The following SORBS2 variants were observed in gnomAD, a reference collection of about 807,000 sequenced individuals.
The protein encoded by SORBS2 is sorbin and SH3 domain containing 2.
In SORBS2, 46 loss-of-function variants were observed where a neutral mutation model predicts 97.7. That is an observed-to-expected ratio of 0.47 (90% CI 0.37 to 0.60). The LOEUF is 0.60. Ranked by LOEUF, SORBS2 falls within the 20% of genes least tolerant of loss-of-function variation. The pLI is 0.00. For missense variants in SORBS2, 1,316 were observed against 1,282.3 expected (o/e 1.03, Z -0.40); for synonymous variants, 476 against 473.4 (o/e 1.01, Z -0.07).
At chr4:185,922,312 A>G (rs547688292) in intron 1 of SORBS2, among the ~76,000 whole-genome samples, 77 of 152,158 alleles carry the variant, frequency 5.1e-4, no homozygotes, top group Non-Finnish European at 8.8e-4. Flanking sequence ...GGAGTGCATC[A>G]CTCAGAATGA....
intron 2 of SORBS2, among the ~76,000 whole-genome samples, chr4:185,722,686 C>T (rs1286590063): frequency 6.6e-6 from 1 of 152,136 alleles, no homozygotes; most frequent in African/African-American, 2.4e-5. Context: ...CTCCTTCACA[C>T]CCATACTCTG....
intron 1 of SORBS2, among the ~76,000 whole-genome samples, chr4:185,823,621 G>A (rs900888683): frequency 5.9e-5 from 9 of 151,558 alleles, no homozygotes; most frequent in South Asian, 4.2e-4. Flanking sequence ...GATATGTTCT[G>A]TGGAGGAAGC....
At chr4:185,614,625 C>T (rs1162935514) in intron 11 of SORBS2, 4 of 561,976 alleles carry the variant, frequency 7.1e-6, no homozygotes, top group East Asian at 3.2e-5. Flanking sequence ...TGGTATCCCA[C>T]GGGGAACTCC....
chr4:185,611,532 T>G (rs887010155), intron 12 of SORBS2, among the ~76,000 whole-genome samples: 6 of 152,176 alleles, frequency 3.9e-5, no homozygotes, highest in Non-Finnish European at 7.4e-5. Flanking sequence ...CGTTTTCTCT[T>G]TCTCTTTCGA....
chr4:185,876,442 A>T (rs2099233697), intron 1 of SORBS2, among the ~76,000 whole-genome samples: 1 of 152,156 alleles, frequency 6.6e-6, no homozygotes. Flanking sequence ...ATCTTTACTG[A>T]TAAAATGCCT....
chr4:185,824,222 G>A (rs1372146645), intron 1 of SORBS2, among the ~76,000 whole-genome samples: 1 of 152,116 alleles, frequency 6.6e-6, no homozygotes, highest in African/African-American at 2.4e-5. Flanking sequence ...CTTGCCTCTC[G>A]CTACTCCTGG....
At chr4:185,945,901 G>T (rs75921415) in intron 1 of SORBS2, among the ~76,000 whole-genome samples, 3,580 of 152,254 alleles carry the variant, frequency 0.024, 157 homozygotes, top group African/African-American at 0.082. Flanking sequence ...AGTCAGAAAG[G>T]CAAGGGTGGT....
chr4:185,943,891 C>A (rs1036572297), intron 1 of SORBS2, among the ~76,000 whole-genome samples: 1 of 152,142 alleles, frequency 6.6e-6, no homozygotes, highest in Non-Finnish European at 1.5e-5. Context: ...CTTCAAAACA[C>A]ATGCCCGTGA....
At chr4:185,784,521 T>C (rs1405778978) in intron 1 of SORBS2, among the ~76,000 whole-genome samples, 4 of 152,122 alleles carry the variant, frequency 2.6e-5, no homozygotes, top group Admixed American at 2.0e-4. Context: ...AGAGAGATGA[T>C]ACAGCGATGG....
rs1271623369 is a variant in SORBS2, at chr4:185,611,765, A to G, written c.2796+15T>C. The G allele has an allele frequency of 2.5e-6, 4 of 1,599,276 alleles. No homozygotes were observed. The highest frequency in any genetic ancestry group is 3.4e-6 in the Non-Finnish European group (4 of 1,166,980). ...GCTTCCAATATTACATTAACATGAT[A>G]GAGTATGTTCTTACCTTATTTGAGC... On this transcript the variant is annotated intron_variant, in intron 12 of 14. Transcript: ENST00000418609.
chr4:185,644,905 G>A (rs972375183), intron 4 of SORBS2, among the ~76,000 whole-genome samples: 2 of 152,098 alleles, frequency 1.3e-5, no homozygotes, highest in African/African-American at 4.8e-5. Context: ...TTTTAGGTGT[G>A]CGTCTGTTTT....
chr4:185,613,646 C>CAAAAA (rs35723770), intron 11 of SORBS2, among the ~76,000 whole-genome samples: 2 of 85,804 alleles, frequency 2.3e-5, no homozygotes, highest in African/African-American at 4.2e-5. Flanking sequence ...CACTCCATCT[C>CAAAAA]AAAAAAAAAA....
At chr4:185,708,165 G>A (rs918502475) in intron 2 of SORBS2, among the ~76,000 whole-genome samples, 4 of 152,202 alleles carry the variant, frequency 2.6e-5, no homozygotes, top group Middle Eastern at 3.4e-3. Context: ...CACTCTCCAG[G>A]GGAGATGTTC....
intron 1 of SORBS2, among the ~76,000 whole-genome samples, chr4:185,889,429 G>A (rs1218255489): frequency 2.0e-5 from 3 of 151,160 alleles, no homozygotes; most frequent in African/African-American, 4.9e-5. Flanking sequence ...CCTGGTCTCC[G>A]TGTTCACCTC....
At chr4:185,912,632 T>A (rs1388333537) in intron 1 of SORBS2, among the ~76,000 whole-genome samples, 1 of 146,824 alleles carries the variant, frequency 6.8e-6, no homozygotes, top group African/African-American at 2.5e-5. Context: ...TTTGTCATAG[T>A]AGGAGAAAAG....
intron 1 of SORBS2, among the ~76,000 whole-genome samples, chr4:185,902,702 A>AG (rs2099248378): frequency 6.6e-6 from 1 of 151,838 alleles, no homozygotes; most frequent in Admixed American, 6.6e-5. Context: ...AAAAAAAAAA[A>AG]AAGAAAAAGA....
At chr4:185,633,373 T>C (rs990120696) in intron 4 of SORBS2, among the ~76,000 whole-genome samples, 29 of 152,014 alleles carry the variant, frequency 1.9e-4, no homozygotes, top group African/African-American at 9.7e-5. Flanking sequence ...ATTAATAACA[T>C]AGTTAACATA....
intron 1 of SORBS2, among the ~76,000 whole-genome samples, chr4:185,793,437 C>G (rs934576780): frequency 6.6e-6 from 1 of 152,164 alleles, no homozygotes; most frequent in East Asian, 1.9e-4. Flanking sequence ...TAATTGGGAC[C>G]AGAAGATACA....
At chr4:185,817,637 C>T (rs62335718) in intron 1 of SORBS2, among the ~76,000 whole-genome samples, 48,360 of 152,106 alleles carry the variant, frequency 0.32, 7,840 homozygotes, top group Non-Finnish European at 0.34. Flanking sequence ...TCTGCCGTCA[C>T]GGCATTGTTG....
Sources: allele counts gnomAD v4.1 joint callset (sites outside exome capture counted in the v4.1 genomes callset), GRCh38; gene constraint gnomAD v4.1.1; transcripts MANE v1.5; gene names NCBI Gene and HGNC (gene_info 2026-07-23, HGNC 2026-07-21).